The following MCM9 variants were observed in gnomAD, a reference collection of about 807,000 sequenced individuals.
The protein encoded by MCM9 is minichromosome maintenance 9 homologous recombination repair factor.
Under a neutral mutation model 72.8 loss-of-function variants are expected in MCM9, and 55 were observed. The observed-to-expected ratio is 0.76, with a 90% CI of 0.61 to 0.95. The LOEUF (loss-of-function observed/expected upper bound fraction) is 0.95. MCM9 is among the 40% of genes least tolerant of loss of function. The pLI is 0.00. For missense variants in MCM9, 1,279 were observed against 1,377.0 expected, an observed-to-expected ratio of 0.93 and a Z score of 1.13; for synonymous variants, 480 against 503.4, an observed-to-expected ratio of 0.95 and a Z score of 0.62.
At chr6:118,816,765 G>C (rs116787383) in intron 13 of MCM9, among the ~76,000 whole-genome samples, 1,573 of 152,262 alleles carry the variant, frequency 0.01, 29 homozygotes, top group African/African-American at 0.036. Context: ...TGAAAGACTG[G>C]GGATTATGAG....
intron 13 of MCM9, among the ~76,000 whole-genome samples, chr6:118,821,903 G>T (rs112167811): frequency 1.3e-5 from 2 of 151,774 alleles, no homozygotes; most frequent in African/African-American, 2.4e-5. Context: ...CCTTTCTCAC[G>T]CTTGATTGAT....
At chr6:118,884,962 C>T (rs1032223223) in intron 8 of MCM9, among the ~76,000 whole-genome samples, 10 of 152,156 alleles carry the variant, frequency 6.6e-5, no homozygotes, top group Middle Eastern at 6.8e-3. Flanking sequence ...TTTAGGAGGT[C>T]GAGGTGGGTG....
At chr6:118,886,344 A>G (rs754360858) in intron 8 of MCM9, among the ~76,000 whole-genome samples, 16 of 152,102 alleles carry the variant, frequency 1.1e-4, no homozygotes, top group Non-Finnish European at 2.1e-4. Flanking sequence ...ATTGGGCCAA[A>G]AAGAAAAAAG....
chr6:118,885,155 C>T (rs146119238), intron 8 of MCM9, among the ~76,000 whole-genome samples: 6 of 151,944 alleles, frequency 3.9e-5, no homozygotes, highest in African/African-American at 1.2e-4. Flanking sequence ...GAGATTGCGC[C>T]GCTGCACTCC....
chr6:118,912,026 A>G (rs547703320), intron 7 of MCM9: 1 of 249,434 alleles, frequency 4.0e-6, no homozygotes, highest in Non-Finnish European at 7.6e-6. Flanking sequence ...AACATTTTAA[A>G]AAATATCTGG....
chr6:118,822,061 G>A (rs900406676), intron 13 of MCM9, among the ~76,000 whole-genome samples: 2 of 152,090 alleles, frequency 1.3e-5, no homozygotes, highest in Non-Finnish European at 2.9e-5. Context: ...CCTTGCATTG[G>A]GTTAGAACAT....
chr6:118,868,446 T>C (rs1191262503), intron 8 of MCM9, among the ~76,000 whole-genome samples: 2 of 152,184 alleles, frequency 1.3e-5, no homozygotes, highest in Non-Finnish European at 2.9e-5. Flanking sequence ...AAAGAGCTTC[T>C]GCGTGGCAAA....
chr6:118,881,826 G>A (rs569567076), intron 8 of MCM9, among the ~76,000 whole-genome samples: 2 of 152,280 alleles, frequency 1.3e-5, no homozygotes, highest in African/African-American at 4.8e-5. Flanking sequence ...AACTTCATAA[G>A]AATAGTGAGA....
intron 9 of MCM9, among the ~76,000 whole-genome samples, chr6:118,850,358 T>C (rs1776141964): frequency 6.6e-6 from 1 of 151,884 alleles, no homozygotes; most frequent in Admixed American, 6.5e-5. Context: ...ATAAACACCT[T>C]TATATACATA....
At chr6:118,818,146 G>C (rs890969922) in intron 13 of MCM9, among the ~76,000 whole-genome samples, 1 of 152,120 alleles carries the variant, frequency 6.6e-6, no homozygotes, top group African/African-American at 2.4e-5. Flanking sequence ...GATCCCATTT[G>C]TCAATTTTAG....
At chr6:118,897,435 CTTAAAT>C (rs1360441175) in intron 8 of MCM9, among the ~76,000 whole-genome samples, 1 of 151,314 alleles carries the variant, frequency 6.6e-6, no homozygotes, top group Non-Finnish European at 1.5e-5. Context: ...TCCTGCCATT[CTTAAAT>C]TTATATATAT....
chr6:118,926,911 G>A (rs1025198303), intron 3 of MCM9, among the ~76,000 whole-genome samples: 2 of 152,052 alleles, frequency 1.3e-5, no homozygotes, highest in South Asian at 2.1e-4. Context: ...AAGGATACTC[G>A]AGTGGGAAAT....
chr6:118,869,593 G>A, intron 8 of MCM9, among the ~76,000 whole-genome samples: 1 of 6,442 alleles, frequency 1.6e-4, no homozygotes, highest in East Asian at 4.0e-3. Flanking sequence ...AGAAACAAAG[G>A]ATTTACAAAA....
At chr6:118,915,817 A>G (rs1780898500) in intron 6 of MCM9, among the ~76,000 whole-genome samples, 1 of 152,170 alleles carries the variant, frequency 6.6e-6, no homozygotes, top group South Asian at 2.1e-4. Context: ...TATTTCTCAC[A>G]AGACTATTAT....
At chr6:118,930,403 C>T (rs756173309) in intron 3 of MCM9, among the ~76,000 whole-genome samples, 18 of 152,132 alleles carry the variant, frequency 1.2e-4, no homozygotes, top group African/African-American at 2.2e-4. Flanking sequence ...TGAGCCACCG[C>T]GCCCGGCTGC....
intron 13 of MCM9, among the ~76,000 whole-genome samples, chr6:118,816,705 G>A (rs923793920): frequency 3.3e-5 from 5 of 152,190 alleles, no homozygotes; most frequent in Admixed American, 6.5e-5. Flanking sequence ...GACCAAGTAG[G>A]TTGTTGGCTA....
rs200172536 is a variant in MCM9 at position 118,909,376 on chromosome 6, G to A, written c.1150+2274C>T. Among the ~76,000 whole-genome samples the A allele has an allele frequency of 2.6e-5, 4 of 152,056 alleles. No homozygotes were observed. In the South Asian group the frequency reaches 6.2e-4, roughly 24 times the overall value. ...ATTTTCACTTAAGCTTGGGACATGC[G>A]AACCATTACCTTTTGTTATCTTAAA... On this transcript the variant is annotated intron_variant, in intron 8 of 13. Transcript: ENST00000619706.
intron 10 of MCM9, 142 bp downstream of exon 10, chr6:118,828,906 C>G: frequency 4.6e-6 from 4 of 865,410 alleles, no homozygotes; most frequent in Non-Finnish European, 6.9e-6. Flanking sequence ...GCTCCTCTCA[C>G]TGCTTTCTGT....
chr6:118,841,743 T>C (rs1453961856), intron 9 of MCM9, among the ~76,000 whole-genome samples: 7 of 152,172 alleles, frequency 4.6e-5, no homozygotes, highest in African/African-American at 1.7e-4. Context: ...CCTTATCTTT[T>C]CGTCTTTAAG....
Sources: allele counts gnomAD v4.1 joint callset (sites outside exome capture counted in the v4.1 genomes callset), GRCh38; gene constraint gnomAD v4.1.1; transcripts MANE v1.5; gene names NCBI Gene and HGNC (gene_info 2026-07-23, HGNC 2026-07-21).